Variants in ZBTB7C observed in about 807,000 individuals in gnomAD.
ZBTB7C encodes zinc finger and BTB domain containing 7C, also known as zinc finger and BTB domain-containing protein 7C.
A neutral mutation model predicts 25.7 loss-of-function variants in ZBTB7C; 8 were observed. The ratio of observed to expected loss-of-function variants is 0.31; its 90% CI spans 0.18 to 0.56. ZBTB7C has a LOEUF of 0.56. ZBTB7C is among the 20% of genes least tolerant of loss of function. ZBTB7C has a pLI of 0.91. For missense variants in ZBTB7C, 824 were observed against 855.2 expected (o/e 0.96, Z 0.46); for synonymous variants, 394 against 369.0 (o/e 1.07, Z -0.78).
At chr18:48,186,662 T>C (rs993584348) in intron 2 of ZBTB7C, among the ~76,000 whole-genome samples, 1 of 152,136 alleles carries the variant, frequency 6.6e-6, no homozygotes, top group Admixed American at 6.5e-5. Context: ...GTGTCATCAC[T>C]GTAAAGTGTT....
At chr18:48,045,323 C>G (rs1434213145) in intron 3 of ZBTB7C, among the ~76,000 whole-genome samples, 1 of 152,216 alleles carries the variant, frequency 6.6e-6, no homozygotes, top group Admixed American at 6.5e-5. Flanking sequence ...GACAGCCTCC[C>G]CTACTCTGTG....
chr18:48,231,833 G>A (rs540839490), intron 2 of ZBTB7C, among the ~76,000 whole-genome samples: 9 of 152,316 alleles, frequency 5.9e-5, no homozygotes, highest in Admixed American at 1.3e-4. Flanking sequence ...AGGGCTCTGC[G>A]GTTCCAGGCA....
At chr18:48,107,180 G>A (rs565644010) in intron 3 of ZBTB7C, among the ~76,000 whole-genome samples, 3 of 151,506 alleles carry the variant, frequency 2.0e-5, no homozygotes, top group East Asian at 2.0e-4. Flanking sequence ...CGTCAGGAGA[G>A]GGAGGAAGGG....
chr18:48,109,195 C>A (rs1568225290), intron 3 of ZBTB7C, among the ~76,000 whole-genome samples: 1 of 152,102 alleles, frequency 6.6e-6, no homozygotes, highest in Non-Finnish European at 1.5e-5. Flanking sequence ...CCTAATGAGG[C>A]CCAAGGGAGA....
chr18:48,112,260 CT>C (rs1048802422), intron 3 of ZBTB7C, among the ~76,000 whole-genome samples: 4,038 of 119,976 alleles, frequency 0.034, 42 homozygotes, highest in Non-Finnish European at 0.044. Context: ...TAATTTTTTT[CT>C]TTTTTTTTTT....
intron 3 of ZBTB7C, among the ~76,000 whole-genome samples, chr18:48,042,905 A>G (rs751466993): frequency 6.6e-6 from 1 of 152,218 alleles, no homozygotes. Flanking sequence ...GAGGGACATA[A>G]CAACTGCAAT....
At chr18:48,224,012 C>T (rs935001432) in intron 2 of ZBTB7C, among the ~76,000 whole-genome samples, 10 of 152,142 alleles carry the variant, frequency 6.6e-5, no homozygotes, top group African/African-American at 2.4e-4. Flanking sequence ...TCTTGGACTA[C>T]AAAGATGCTG....
At chr18:48,099,970 C>T (rs926368424) in intron 3 of ZBTB7C, among the ~76,000 whole-genome samples, 2 of 152,240 alleles carry the variant, frequency 1.3e-5, no homozygotes, top group Non-Finnish European at 2.9e-5. Flanking sequence ...TTAACAGCGA[C>T]CTCCTTAGCA....
At chr18:48,152,172 T>C (rs1389156040) in intron 3 of ZBTB7C, among the ~76,000 whole-genome samples, 1 of 152,096 alleles carries the variant, frequency 6.6e-6, no homozygotes, top group Non-Finnish European at 1.5e-5. Context: ...TTCCACAGGG[T>C]CCTTAACAGT....
intron 3 of ZBTB7C, among the ~76,000 whole-genome samples, chr18:48,087,206 C>T (rs2038224675): frequency 6.6e-6 from 1 of 152,204 alleles, no homozygotes; most frequent in Non-Finnish European, 1.5e-5. Context: ...GCAATGAGAG[C>T]ATCCAAAAGC....
At chr18:48,240,969 A>T (rs760388707) in intron 2 of ZBTB7C, among the ~76,000 whole-genome samples, 1 of 152,170 alleles carries the variant, frequency 6.6e-6, no homozygotes, top group East Asian at 1.9e-4. Context: ...CTAACACATA[A>T]GGACTCACAT....
chr18:48,193,452 C>A (rs2042245885), intron 2 of ZBTB7C, among the ~76,000 whole-genome samples: 2 of 152,216 alleles, frequency 1.3e-5, no homozygotes, highest in African/African-American at 4.8e-5. Flanking sequence ...TAATTATTTG[C>A]ATGCCTCTTG....
At chr18:48,225,001 T>C (rs1465297326) in intron 2 of ZBTB7C, among the ~76,000 whole-genome samples, 1 of 152,262 alleles carries the variant, frequency 6.6e-6, no homozygotes, top group Admixed American at 6.5e-5. Flanking sequence ...TAAATATCAA[T>C]TCATCAATTG....
chr18:48,212,325 T>C (rs1397101845), intron 2 of ZBTB7C, among the ~76,000 whole-genome samples: 2 of 151,748 alleles, frequency 1.3e-5, no homozygotes, highest in Admixed American at 6.6e-5. Context: ...TTTCCAGGGG[T>C]TGGGGGGAGG....
At chr18:48,278,430 A>G (rs975792248) in intron 2 of ZBTB7C, among the ~76,000 whole-genome samples, 7 of 151,560 alleles carry the variant, frequency 4.6e-5, no homozygotes, top group Admixed American at 1.3e-4. Flanking sequence ...ATCCTCCCCA[A>G]ATTCTTTTTT....
chr18:48,029,040 G>C lies in ZBTB7C; in HGVS notation c.*220C>G. 1 of 604,480 alleles carries C rather than the reference G, an allele frequency of 1.7e-6. No individual in the cohort carries two copies. The highest frequency in any genetic ancestry group is 2.7e-6 in the Non-Finnish European group (1 of 374,744). The allele number at this position is 604,480 out of a possible 1,614,324, so 37.4% of individuals were successfully genotyped here. ...CAGAGAGACAGGGAGGGAGGCCCGG[G>C]CTCCTGGCCTTTTGGGAAAAGATGC... On this transcript the variant is annotated 3_prime_UTR_variant, in exon 5 of 5. Transcript: ENST00000590800.
chr18:48,068,560 C>T (rs2037423491), intron 3 of ZBTB7C, among the ~76,000 whole-genome samples: 1 of 152,086 alleles, frequency 6.6e-6, no homozygotes, highest in African/African-American at 2.4e-5. Flanking sequence ...TTGAATTAGA[C>T]TTTCTGGAAA....
chr18:48,184,105 G>A (rs938052863), intron 3 of ZBTB7C, among the ~76,000 whole-genome samples: 3 of 152,120 alleles, frequency 2.0e-5, no homozygotes, highest in Non-Finnish European at 2.9e-5. Flanking sequence ...GGAAGCACAC[G>A]TGAGCCTTCC....
chr18:48,337,885 T>C (rs1303740663), intron 2 of ZBTB7C, among the ~76,000 whole-genome samples: 3 of 152,226 alleles, frequency 2.0e-5, no homozygotes, highest in Admixed American at 6.5e-5. Context: ...TTTGTTACTC[T>C]GAGCTCCTCA....
Sources: allele counts gnomAD v4.1 joint callset (sites outside exome capture counted in the v4.1 genomes callset), GRCh38; gene constraint gnomAD v4.1.1; transcripts MANE v1.5; gene names NCBI Gene and HGNC (gene_info 2026-07-23, HGNC 2026-07-21).